RBM15B: variants seen among roughly 807,000 people sequenced by gnomAD.
RBM15B encodes putative RNA-binding protein 15B.
RBM15B carries 11 observed loss-of-function variants against 53.3 expected under a neutral mutation model. The ratio of observed to expected loss-of-function variants is 0.21; its 90% CI spans 0.13 to 0.34. RBM15B has a LOEUF of 0.34. RBM15B is among the 10% of genes least tolerant of loss of function. RBM15B has a pLI of 1.00. For synonymous variants in RBM15B, 631 were observed against 540.7 expected (o/e 1.17, Z -2.32); for missense variants, 1,136 against 1,250.3 (o/e 0.91, Z 1.38).
chr3:51,391,633 C>G lies in RBM15B; in HGVS notation c.234C>G (p.His78Gln), dbSNP rs1366019726. The G allele has an allele frequency of 4.2e-6, 5 of 1,190,288 alleles. No individual in the cohort carries two copies. The highest frequency in any genetic ancestry group is 5.2e-6 in the Non-Finnish European group (5 of 961,798). 73.7% of individuals were successfully genotyped at this position (1,190,288 alleles called of 1,614,324 possible). A position where few individuals can be genotyped will look rare whatever the true frequency, so the allele number is the denominator to read the frequency against. The change falls in exon 1 of 1, where the codon CAC (histidine) becomes CAG (glutamine). Residue 78 changes from histidine to glutamine, a missense_variant. This residue lies in a region of RBM15B where 257 missense variants were observed against 261.1 expected (regional missense o/e 0.98). Transcript: ENST00000563281. This position sits in a 1 kb window ranked among gnomAD's most constrained non-coding sequence, Gnocchi z 4.5. ...RDGRGTGDAN[H>Q]RASSGRSSGS... The stretch of plus-strand genomic sequence containing the variant: ...GCCGCGGCACCGGGGACGCGAATCA[C>G]CGCGCGAGTAGCGGGCGCTCCTCGG...
chr3:51,392,918 C>T lies in RBM15B; in HGVS notation c.1519C>T (p.Pro507Ser), dbSNP rs782470506. ...YPQQYQPSPL[P>S]VHYELLTDGY... ...CCAGCAGTACCAGCCCTCGCCACTC[C>T]CTGTGCATTATGAGCTGCTCACAGA... Residue 507 changes from proline (P) to serine (S), a missense_variant, in exon 1 of 1, where the codon CCT becomes TCT. Around this residue, in one of 7 missense-constraint regions of RBM15B, gnomAD observed 578 missense variants for 581.6 expected, o/e 0.99. Coordinates refer to ENST00000563281, the MANE Select transcript of RBM15B (RefSeq NM_013286.5). This position sits in a 1 kb window ranked among gnomAD's most constrained non-coding sequence, Gnocchi z 7.5. 56 of 1,613,738 alleles carry T rather than the reference C, an allele frequency of 3.5e-5. No individual in the cohort carries two copies. The highest frequency in any genetic ancestry group is 3.3e-4 in the Middle Eastern group (2 of 6,084).
In RBM15B at chr3:51,393,496, A is replaced by G; in HGVS notation, c.2097A>G (p.Glu699=). Residue 699 remains glutamate, a synonymous_variant, in exon 1 of 1, where the codon GAA becomes GAG. Coordinates refer to ENST00000563281, the MANE Select transcript of RBM15B (RefSeq NM_013286.5). The surrounding 1 kb of genome is among the most constrained non-coding windows in gnomAD (Gnocchi z 5.6). ...RTTEAEPKPL[E]EPKHETKKLK... ...CAGAGGCCGAGCCCAAGCCTCTGGA[A>G]GAGCCAAAACACGAGACCAAAAAGC... 6.2e-7 allele frequency: 1 copy of G among 1,614,130 alleles called. No individual in the cohort carries two copies. Among genetic ancestry groups the G allele is most frequent in the South Asian group, 1.1e-5 (1 of 91,086 alleles).
chr3:51,392,869 C>T lies in RBM15B; in HGVS notation c.1470C>T (p.Ala490=). ...GPDRRLRVDF[A]KAEETRYPQQ... ...ACCGCAGGCTCCGCGTGGATTTTGC[C>T]AAAGCAGAGGAGACTCGGTACCCCC... The change falls in exon 1 of 1, where the codon GCC becomes GCT. Residue 490 remains alanine, a synonymous_variant. Transcript: ENST00000563281. The surrounding 1 kb of genome is among the most constrained non-coding windows in gnomAD (Gnocchi z 7.5). The T allele has an allele frequency of 6.2e-7, 1 of 1,614,030 alleles. No individual in the cohort carries two copies. The highest frequency in any genetic ancestry group is 1.1e-5 in the South Asian group (1 of 91,088).
At position 51,396,723 on chromosome 3, in the gene RBM15B, C is replaced by T. The variant is rs1469314006; in HGVS notation, c.*2651C>T. 1 of 167,098 alleles carries T rather than the reference C, an allele frequency of 6.0e-6. No homozygotes were observed. Among genetic ancestry groups the T allele is most frequent in the Non-Finnish European group, 1.5e-5 (1 of 68,148 alleles). 10.4% of individuals were successfully genotyped at this position (167,098 alleles called of 1,614,324 possible). ...TTCCTAAGGTGTGTTGTCAAGCCAA[C>T]CTGAATTCTGCCTCCCTGTTATAGT... On this transcript the variant is annotated 3_prime_UTR_variant, in exon 1 of 1. Coordinates refer to ENST00000563281, the MANE Select transcript of RBM15B (RefSeq NM_013286.5).
rs868961411 is a variant in RBM15B, at chr3:51,396,149, G to A, written c.*2077G>A. On this transcript the variant is annotated 3_prime_UTR_variant, in exon 1 of 1. Transcript: ENST00000563281. Reference sequence around the variant, plus strand: ...CTCTGGGCTACCTATCTTCCTTCATGAAGCAGGTGCTCAGGACCCGGAAGA... The same window carrying A: ...CTCTGGGCTACCTATCTTCCTTCATAAAGCAGGTGCTCAGGACCCGGAAGA... 1 of 397,056 alleles carries A rather than the reference G, an allele frequency of 2.5e-6. No individual in the cohort carries two copies. Among genetic ancestry groups the A allele is most frequent in the Non-Finnish European group, 4.6e-6 (1 of 216,284 alleles). 24.6% of individuals were successfully genotyped at this position (397,056 alleles called of 1,614,324 possible). A position where few individuals can be genotyped will look rare whatever the true frequency, so the allele number is the denominator to read the frequency against.
At position 51,391,372 on chromosome 3, in the gene RBM15B, C is replaced by T. The variant is rs2089033799; in HGVS notation, c.-28C>T. 2 of 1,204,346 alleles carry T rather than the reference C, an allele frequency of 1.7e-6. No individual in the cohort carries two copies. The highest frequency in any genetic ancestry group is 2.1e-6 in the Non-Finnish European group (2 of 972,422). The allele number at this position is 1,204,346 out of a possible 1,614,324, so 74.6% of individuals were successfully genotyped here. A position where few individuals can be genotyped will look rare whatever the true frequency, so the allele number is the denominator to read the frequency against. ...CGCCGCCGCCGCTGTGAGAAACCTA[C>T]GGGCCGCCCGCCCGCCGCGCCAGCG... is the stretch of plus-strand genomic sequence containing the variant. On this transcript the variant is annotated 5_prime_UTR_variant, in exon 1 of 1. The change creates a new upstream start codon in the 5' untranslated region. Coordinates refer to ENST00000563281, the MANE Select transcript of RBM15B (RefSeq NM_013286.5). The surrounding 1 kb of genome is among the most constrained non-coding windows in gnomAD (Gnocchi z 4.5).
Position 51,393,510 on chromosome 3 carries a change from A to G in RBM15B, c.2111A>G (p.Glu704Gly). ...AAGCCTCTGGAAGAGCCAAAACACG[A>G]GACCAAAAAGCTGAAGAATCTTTCA... ...EPKPLEEPKH[E>G]TKKLKNLSEY... Residue 704 changes from glutamate (E) to glycine (G), a missense_variant, in exon 1 of 1, where the codon GAG becomes GGG. Physicochemically the swap from Glu to Gly is moderately conservative, Grantham distance 98. Transcript: ENST00000563281. The surrounding 1 kb of genome is among the most constrained non-coding windows in gnomAD (Gnocchi z 5.6). The G allele has an allele frequency of 6.2e-7, 1 of 1,614,150 alleles. No individual in the cohort carries two copies. Among genetic ancestry groups the G allele is most frequent in the South Asian group, 1.1e-5 (1 of 91,086 alleles).
Position 51,392,946 on chromosome 3 carries a change from G to T in RBM15B, c.1547G>T (p.Gly516Val). ...GTGCATTATGAGCTGCTCACAGATGGATACACCCGGCACCGCAACCTGGAC... is the reference window on the plus strand; with the variant it reads ...GTGCATTATGAGCTGCTCACAGATGTATACACCCGGCACCGCAACCTGGAC... ...LPVHYELLTD[G>V]YTRHRNLDAD... is the part of the protein sequence containing the mutation. The change falls in exon 1 of 1, where the codon GGA becomes GTA. Residue 516 changes from glycine to valine, a missense_variant. Physicochemically the swap from Gly to Val is moderately radical, Grantham distance 109 (BLOSUM62 -3). Coordinates refer to ENST00000563281, the MANE Select transcript of RBM15B (RefSeq NM_013286.5). This position sits in a 1 kb window ranked among gnomAD's most constrained non-coding sequence, Gnocchi z 7.5. 6.2e-7 allele frequency: 1 copy of T among 1,613,782 alleles called. No homozygotes were observed. Among genetic ancestry groups the T allele is most frequent in the South Asian group, 1.1e-5 (1 of 91,080 alleles).
In RBM15B at chr3:51,396,914, T is replaced by C. The variant is rs888100532; in HGVS notation, c.*2842T>C. 1.7e-4 allele frequency: 29 copies of C among 167,020 alleles called. No individual in the cohort carries two copies. The highest frequency in any genetic ancestry group is 6.8e-4 in the African/African-American group (28 of 41,472). 10.3% of individuals were successfully genotyped at this position (167,020 alleles called of 1,614,324 possible). On this transcript the variant is annotated 3_prime_UTR_variant, in exon 1 of 1. Transcript: ENST00000563281. ...ACTATTCCACTGGTTAAGTGTTTAC[T>C]ACCATTAAAGCGAGGCATGAAGCAA...
rs782726905 is a variant in RBM15B at position 51,393,192 on chromosome 3, G to GCCTTTCCAGTGACCGTGGGAGGACAAC, written c.1796_1822dup (p.Leu599_Thr607dup). 2 of 1,613,964 alleles carry GCCTTTCCAGTGACCGTGGGAGGACAAC rather than the reference G, an allele frequency of 1.2e-6. No homozygotes were observed. The highest frequency in any genetic ancestry group is 1.7e-6 in the Non-Finnish European group (2 of 1,179,894). ...TGGGAAGAGAGGCGGAAACGGAGAAGCCTTTCCAGTGACCGTGGGAGGACA... is the reference window on the plus strand; with the variant it reads ...TGGGAAGAGAGGCGGAAACGGAGAAGCCTTTCCAGTGACCGTGGGAGGACAACCCTTTCCAGTGACCGTGGGAGGACA... On this transcript the variant is annotated inframe_insertion, in exon 1 of 1. Coordinates refer to ENST00000563281, the MANE Select transcript of RBM15B (RefSeq NM_013286.5). The surrounding 1 kb of genome is among the most constrained non-coding windows in gnomAD (Gnocchi z 5.6).
rs972901738 is a variant in RBM15B at position 51,391,292 on chromosome 3, G to A, written c.-108G>A. The stretch of plus-strand genomic sequence containing the variant: ...CGCCCCGCCGCCACCGCCGCGCCGA[G>A]TCCTTTTGTCCAAGATGGCGGCGCC... On this transcript the variant is annotated 5_prime_UTR_variant, in exon 1 of 1. Transcript: ENST00000563281. This position sits in a 1 kb window ranked among gnomAD's most constrained non-coding sequence, Gnocchi z 4.5. 12 of 936,438 alleles carry A rather than the reference G, an allele frequency of 1.3e-5. No homozygotes were observed. The highest frequency in any genetic ancestry group is 1.7e-5 in the African/African-American group (1 of 57,560). 58.0% of individuals were successfully genotyped at this position (936,438 alleles called of 1,614,324 possible).
chr3:51,396,107 T>TAA lies in RBM15B; in HGVS notation c.*2036_*2037dup, dbSNP rs2089184590. The TAA allele has an allele frequency of 4.9e-6, 2 of 409,594 alleles. No individual in the cohort carries two copies. The highest frequency in any genetic ancestry group is 2.1e-5 in the African/African-American group (1 of 48,572). 25.4% of individuals were successfully genotyped at this position (409,594 alleles called of 1,614,324 possible). A position where few individuals can be genotyped will look rare whatever the true frequency, so the allele number is the denominator to read the frequency against. Reference sequence around the variant, plus strand: ...GGCCAGAGCTGCCTTGGTATGTTGTTAAGTCCAAAACTTCTTCTCTGGGCT... The same window carrying TAA: ...GGCCAGAGCTGCCTTGGTATGTTGTTAAAAGTCCAAAACTTCTTCTCTGGGCT... On this transcript the variant is annotated 3_prime_UTR_variant, in exon 1 of 1. Coordinates refer to ENST00000563281, the MANE Select transcript of RBM15B (RefSeq NM_013286.5).
At position 51,392,515 on chromosome 3, in the gene RBM15B, C is replaced by T; in HGVS notation, c.1116C>T (p.Ala372=). The T allele has an allele frequency of 6.2e-7, 1 of 1,613,868 alleles. No homozygotes were observed. The highest frequency in any genetic ancestry group is 8.5e-7 in the Non-Finnish European group (1 of 1,180,002). The change falls in exon 1 of 1, where the codon GCC becomes GCT. Residue 372 remains alanine (A), a synonymous_variant. Transcript: ENST00000563281. The surrounding 1 kb of genome is among the most constrained non-coding windows in gnomAD (Gnocchi z 7.5). The part of the protein sequence containing the change: ...IIEEVVIKRP[A]RGQGGAYAFL... ...AGGAGGTGGTCATCAAGAGGCCTGC[C>T]CGTGGCCAGGGCGGTGCCTATGCCT...
At position 51,397,175 on chromosome 3, in the gene RBM15B, T is replaced by C. The variant is rs1553623265; in HGVS notation, c.*3103T>C. 1 of 167,118 alleles carries C rather than the reference T, an allele frequency of 6.0e-6. No individual in the cohort carries two copies. Among genetic ancestry groups the C allele is most frequent in the Non-Finnish European group, 1.5e-5 (1 of 68,126 alleles). The allele number at this position is 167,118 out of a possible 1,614,324, so 10.4% of individuals were successfully genotyped here. On this transcript the variant is annotated 3_prime_UTR_variant, in exon 1 of 1. Coordinates refer to ENST00000563281, the MANE Select transcript of RBM15B (RefSeq NM_013286.5). ...GCTGGATAATACCTATGTAACAAAC[T>C]GAGCAGCTGTTATTTGGGCAAAATC...
chr3:51,392,037 A>G lies in RBM15B; in HGVS notation c.638A>G (p.Lys213Arg), dbSNP rs1553621633. 1 of 1,596,880 alleles carries G rather than the reference A, an allele frequency of 6.3e-7. No individual in the cohort carries two copies. The highest frequency in any genetic ancestry group is 1.1e-5 in the South Asian group (1 of 90,742). The change falls in exon 1 of 1, where the codon AAG (lysine) becomes AGG (arginine). Residue 213 changes from lysine (K) to arginine (R), a missense_variant. Lys to Arg is a conservative substitution (Grantham distance 26). Transcript: ENST00000563281. This position sits in a 1 kb window ranked among gnomAD's most constrained non-coding sequence, Gnocchi z 7.5. ...CTGCTGCTCTACGACCGCCCGCTCAAGGTAGAGCCCGTGTACCTGCGTGGC... is the reference window on the plus strand; with the variant it reads ...CTGCTGCTCTACGACCGCCCGCTCAGGGTAGAGCCCGTGTACCTGCGTGGC... ...RQLLLYDRPL[K>R]VEPVYLRGGG...
chr3:51,394,216 A>G lies in RBM15B; in HGVS notation c.*144A>G, dbSNP rs1051291. 8.9e-7 allele frequency: 1 copy of G among 1,127,616 alleles called. No individual in the cohort carries two copies. Among genetic ancestry groups the G allele is most frequent in the East Asian group, 3.2e-5 (1 of 31,362 alleles). 69.9% of individuals were successfully genotyped at this position (1,127,616 alleles called of 1,614,324 possible). On this transcript the variant is annotated 3_prime_UTR_variant, in exon 1 of 1. Transcript: ENST00000563281. ...TTGGGTGGGGATCAAAGTCCTGTCC[A>G]CCACCAAAACTAAGTTCTTAGATTT... is the stretch of plus-strand genomic sequence containing the variant.
Position 51,391,528 on chromosome 3 carries a change from C to T in RBM15B, c.129C>T (p.Gly43=). The change falls in exon 1 of 1, where the codon GGC becomes GGT. Residue 43 remains glycine, a synonymous_variant. Transcript: ENST00000563281. The surrounding 1 kb of genome is among the most constrained non-coding windows in gnomAD (Gnocchi z 4.5). ...GGCGGGCGGCGCACAAGGCCTCTGGCGGCGCCAAGCACCCGGTTCCAGCGC... is the reference window on the plus strand; with the variant it reads ...GGCGGGCGGCGCACAAGGCCTCTGGTGGCGCCAAGCACCCGGTTCCAGCGC... The part of the protein sequence containing the change: ...GGRRAAHKAS[G]GAKHPVPARA... The T allele has an allele frequency of 2.5e-6, 3 of 1,186,812 alleles. No homozygotes were observed. The highest frequency in any genetic ancestry group is 3.1e-6 in the Non-Finnish European group (3 of 958,886). 73.5% of individuals were successfully genotyped at this position (1,186,812 alleles called of 1,614,324 possible). A position where few individuals can be genotyped will look rare whatever the true frequency, so the allele number is the denominator to read the frequency against.
In RBM15B at chr3:51,391,348, G is replaced by A. The variant is rs1453881130; in HGVS notation, c.-52G>A. The A allele has an allele frequency of 9.4e-6, 11 of 1,165,970 alleles. No homozygotes were observed. The South Asian group carries it at 2.9e-4, about 30-fold the overall frequency. The allele number at this position is 1,165,970 out of a possible 1,614,324, so 72.2% of individuals were successfully genotyped here. On this transcript the variant is annotated 5_prime_UTR_variant, in exon 1 of 1. Coordinates refer to ENST00000563281, the MANE Select transcript of RBM15B (RefSeq NM_013286.5). This position sits in a 1 kb window ranked among gnomAD's most constrained non-coding sequence, Gnocchi z 4.5. ...CGCTGCCTCCTCGGCCGCCGCCTCC[G>A]CCGCCGCCGCTGTGAGAAACCTACG...
chr3:51,393,314 A>T lies in RBM15B; in HGVS notation c.1915A>T (p.Asn639Tyr), dbSNP rs781991977. The T allele has an allele frequency of 2.3e-5, 37 of 1,610,352 alleles. No individual in the cohort carries two copies. In the South Asian group the frequency reaches 3.7e-4, roughly 16 times the overall value. Residue 639 changes from asparagine (N) to tyrosine (Y), a missense_variant, in exon 1 of 1, where the codon AAC (asparagine) becomes TAC (tyrosine). Physicochemically the swap from Asn to Tyr is moderately radical, Grantham distance 143. Coordinates refer to ENST00000563281, the MANE Select transcript of RBM15B (RefSeq NM_013286.5). The surrounding 1 kb of genome is among the most constrained non-coding windows in gnomAD (Gnocchi z 5.6). The stretch of plus-strand genomic sequence containing the variant: ...CACCCCTGAGCGCAGCCGCAAGGAG[A>T]ACCACTCCAGTGAAGGGACCAAGGA... ...DRTPERSRKENHSSEGTKESS... is the reference protein window; with the variant it reads ...DRTPERSRKEYHSSEGTKESS...
Sources: allele counts gnomAD v4.1 joint callset, GRCh38; gene constraint gnomAD v4.1.1; regional missense constraint gnomAD v4.1.1; non-coding constraint Gnocchi (gnomAD v3.1); transcripts MANE v1.5; gene names NCBI Gene and HGNC (gene_info 2026-07-23, HGNC 2026-07-21).